The following RIMBP2 variants were observed in gnomAD, a reference collection of about 807,000 sequenced individuals.
RIMBP2 encodes the protein RIMS-binding protein 2.
A neutral mutation model predicts 118.6 loss-of-function variants in RIMBP2; 48 were observed. The ratio of observed to expected loss-of-function variants is 0.40; its 90% CI spans 0.32 to 0.51. RIMBP2 has a LOEUF of 0.51. RIMBP2 is among the 20% of genes least tolerant of loss of function. The probability of loss-of-function intolerance (pLI) is 0.41; values close to 1 mark genes in which losing one functional copy is unlikely to be tolerated. For missense variants in RIMBP2, 1,551 were observed against 1,768.3 expected (o/e 0.88, Z 2.20); for synonymous variants, 762 against 742.9 (o/e 1.03, Z -0.42).
At chr12:130,612,813 G>T (rs1477302401) in intron 2 of RIMBP2, among the ~76,000 whole-genome samples, 1 of 152,154 alleles carries the variant, frequency 6.6e-6, no homozygotes, top group African/African-American at 2.4e-5. Context: ...TCCGGGTGAA[G>T]CAAGGTACAC....
Position 130,434,821 on chromosome 12 carries a change from G to A in RIMBP2, c.2166C>T (p.Asp722=), listed in dbSNP as rs761677291. ...RSSAGQYAAS[D]EEDAYDSPDF... ...CTGGAGAGTCATAGGCGTCCTCCTC[G>A]TCTGAGGCGGCGTACTGCCCCGCGC... The change falls in exon 14 of 23, where the codon GAC becomes GAT. Residue 722 remains aspartate, a synonymous_variant. Transcript: ENST00000690449. The surrounding 1 kb of genome is among the most constrained non-coding windows in gnomAD (Gnocchi z 5.7). 33 of 1,613,614 alleles carry A rather than the reference G, an allele frequency of 2.0e-5. No homozygotes were observed. Among genetic ancestry groups the A allele is most frequent in the African/African-American group, 9.3e-5 (7 of 74,894 alleles).
intron 1 of RIMBP2, among the ~76,000 whole-genome samples, chr12:130,713,153 C>G (rs114301951): frequency 8.8e-6 from 1 of 114,022 alleles, no homozygotes; most frequent in Admixed American, 1.1e-4. Context: ...CTGAAAGAAA[C>G]GGAATAAAAG....
At chr12:130,503,289 G>A (rs182889563) in intron 4 of RIMBP2, among the ~76,000 whole-genome samples, 53 of 151,858 alleles carry the variant, frequency 3.5e-4, no homozygotes, top group African/African-American at 9.4e-4. Flanking sequence ...CCAGCTACTC[G>A]GGAGGCTAAG....
chr12:130,666,835 G>A, intron 1 of RIMBP2, among the ~76,000 whole-genome samples: 1 of 138,376 alleles, frequency 7.2e-6, no homozygotes, highest in African/African-American at 2.7e-5. Flanking sequence ...AGAAGGGAGG[G>A]AGGGAGAGAA....
intron 15 of RIMBP2, 186 bp from the exon 16 acceptor site, chr12:130,425,044 C>T (rs7312440): frequency 0.061 from 24,484 of 399,866 alleles, 958 homozygotes; most frequent in East Asian, 0.11. Flanking sequence ...GAATGGGTTA[C>T]GGGGCTGGGG....
At position 130,450,127 on chromosome 12, in the gene RIMBP2, G is replaced by A; in HGVS notation, c.581+73C>T. Reference sequence around the variant, plus strand: ...GGAGAAGGGAACTTCTCAGACCCCAGAGTGTTCCCAGACCCAACATCTCAT... The same window carrying A: ...GGAGAAGGGAACTTCTCAGACCCCAAAGTGTTCCCAGACCCAACATCTCAT... On this transcript the variant is annotated intron_variant, in intron 9 of 22. Transcript: ENST00000690449. This position sits in a 1 kb window ranked among gnomAD's most constrained non-coding sequence, Gnocchi z 4.8. 2.1e-6 allele frequency: 2 copies of A among 964,168 alleles called. No homozygotes were observed. The highest frequency in any genetic ancestry group is 3.2e-6 in the Non-Finnish European group (2 of 616,264). The allele number at this position is 964,168 out of a possible 1,614,324, so 59.7% of individuals were successfully genotyped here.
intron 2 of RIMBP2, among the ~76,000 whole-genome samples, chr12:130,520,807 C>T (rs1418012953): frequency 9.2e-5 from 14 of 151,966 alleles, no homozygotes; most frequent in Non-Finnish European, 1.2e-4. Context: ...GTAAAGGAAA[C>T]CCATTCAGTG....
intron 21 of RIMBP2, among the ~76,000 whole-genome samples, chr12:130,400,278 AC>A (rs775115026): frequency 3.3e-5 from 5 of 152,140 alleles, no homozygotes; most frequent in Non-Finnish European, 5.9e-5. Context: ...CTACTGGTCT[AC>A]TCAGCCTTAA....
At chr12:130,464,924 G>A (rs2137724631) in intron 6 of RIMBP2, 1 of 152,394 alleles carries the variant, frequency 6.6e-6, no homozygotes, top group Non-Finnish European at 1.5e-5. Context: ...TAGCTTCAGG[G>A]GCCCACAGAC....
intron 2 of RIMBP2, among the ~76,000 whole-genome samples, chr12:130,545,734 G>A (rs1442725377): frequency 2.0e-5 from 3 of 152,184 alleles, no homozygotes; most frequent in Non-Finnish European, 4.4e-5. Flanking sequence ...AGGGGCTTAC[G>A]CAGAATCTTC....
At chr12:130,470,856 T>C (rs542854875) in intron 5 of RIMBP2, 113 bp from the exon 6 acceptor site, 2 of 498,242 alleles carry the variant, frequency 4.0e-6, no homozygotes, top group African/African-American at 2.0e-5. Flanking sequence ...ATTCCTCTAA[T>C]AGAGGAATTA....
At chr12:130,522,887 G>A (rs1024877165) in intron 2 of RIMBP2, among the ~76,000 whole-genome samples, 1 of 152,166 alleles carries the variant, frequency 6.6e-6, no homozygotes, top group Non-Finnish European at 1.5e-5. Context: ...ATGAGGTCAT[G>A]AGATCCTAAT....
chr12:130,441,652 T>C (rs74960296), intron 11 of RIMBP2, among the ~76,000 whole-genome samples, 196 bp downstream of exon 11: 2,349 of 152,170 alleles, frequency 0.015, 59 homozygotes, highest in African/African-American at 0.053. Context: ...GCCAACATGG[T>C]CCCTAACATG....
chr12:130,471,427 A>G (rs1470475746), intron 5 of RIMBP2, among the ~76,000 whole-genome samples: 1 of 152,236 alleles, frequency 6.6e-6, no homozygotes, highest in Non-Finnish European at 1.5e-5. Context: ...TCCCAGCATC[A>G]TCATGATGGT....
At chr12:130,456,377 C>T (rs527896708) in intron 7 of RIMBP2, 119 bp downstream of exon 7, 209 of 783,244 alleles carry the variant, frequency 2.7e-4, no homozygotes, top group Middle Eastern at 3.8e-4. Context: ...ATTGCAGTGG[C>T]GGGTCCCTGT....
rs11378742 is a variant in RIMBP2, at chr12:130,450,635, A to ACC, written c.505-361_505-360dup. On this transcript the variant is annotated intron_variant, in intron 8 of 22. Transcript: ENST00000690449. This position sits in a 1 kb window ranked among gnomAD's most constrained non-coding sequence, Gnocchi z 4.8. ...GGTAAAATTAAGCAGTATGTGCACGACCCCCCAGTGATCCCACTCTCACTC... is the reference window on the plus strand; with the variant it reads ...GGTAAAATTAAGCAGTATGTGCACGACCCCCCCCAGTGATCCCACTCTCACTC... 2.0e-5 allele frequency among the ~76,000 whole-genome samples: 3 copies of ACC among 148,572 alleles called. No individual in the cohort carries two copies. The highest frequency in any genetic ancestry group is 7.5e-5 in the African/African-American group (3 of 40,012).
intron 1 of RIMBP2, among the ~76,000 whole-genome samples, chr12:130,692,755 A>G (rs750277034): frequency 9.2e-5 from 14 of 151,752 alleles, no homozygotes; most frequent in Admixed American, 1.3e-4. Context: ...GGTAGAATAG[A>G]ATAGAATAGA....
At chr12:130,587,380 G>A (rs2058964333) in intron 2 of RIMBP2, among the ~76,000 whole-genome samples, 1 of 74,740 alleles carries the variant, frequency 1.3e-5, no homozygotes, top group African/African-American at 5.4e-5. Flanking sequence ...ACATGCACAC[G>A]TATGTTTATT....
chr12:130,504,134 A>G, intron 4 of RIMBP2, among the ~76,000 whole-genome samples: 1 of 152,084 alleles, frequency 6.6e-6, no homozygotes, highest in Non-Finnish European at 1.5e-5. Context: ...TTTCTATTTC[A>G]CTGAAAGCTT....
Sources: allele counts gnomAD v4.1 joint callset (sites outside exome capture counted in the v4.1 genomes callset), GRCh38; gene constraint gnomAD v4.1.1; non-coding constraint Gnocchi (gnomAD v3.1); transcripts MANE v1.5; gene names NCBI Gene and HGNC (gene_info 2026-07-23, HGNC 2026-07-21).